ROBO2: variants seen among roughly 807,000 people sequenced by gnomAD.
ROBO2 encodes the protein roundabout homolog 2.
ROBO2 carries 53 observed loss-of-function variants against 160.8 expected under a neutral mutation model. The observed-to-expected ratio is 0.33, with a 90% confidence interval of 0.26 to 0.41. ROBO2 has a LOEUF of 0.41. ROBO2 is among the 10% of genes least tolerant of loss of function. ROBO2 has a pLI of 1.00. For missense variants in ROBO2, 1,577 were observed against 1,722.4 expected (o/e 0.92, Z 1.49); for synonymous variants, 664 against 611.7 (o/e 1.09, Z -1.26).
At chr3:76,693,438 C>A (rs1490889664) in intron 2 of ROBO2, among the ~76,000 whole-genome samples, 1 of 136,794 alleles carries the variant, frequency 7.3e-6, no homozygotes, top group Non-Finnish European at 1.5e-5. Context: ...GATACACACT[C>A]TATATATGTG....
At chr3:75,946,702 T>C (rs930585567) in intron 2 of ROBO2, among the ~76,000 whole-genome samples, 2 of 152,070 alleles carry the variant, frequency 1.3e-5, no homozygotes, top group African/African-American at 4.8e-5. Flanking sequence ...AATTCTGTAA[T>C]TTAAAAAGAG....
intron 2 of ROBO2, among the ~76,000 whole-genome samples, chr3:76,740,893 T>C (rs9865967): frequency 0.63 from 95,348 of 151,810 alleles, 29,974 homozygotes; most frequent in Admixed American, 0.66. Flanking sequence ...ATAGTTATTC[T>C]GTTTTGGGTG....
rs114644385 is a variant in ROBO2, at chr3:77,275,790, C to T, written c.388+177450C>T. The stretch of plus-strand genomic sequence containing the variant: ...TTCTCCAGGACCACAGTTTGGTGTA[C>T]AATATGATACCAAATATATCCTAAA... On this transcript the variant is annotated intron_variant, in intron 2 of 25. Coordinates refer to ENST00000461745, the Ensembl canonical transcript of ROBO2. 6.2e-3 allele frequency among the ~76,000 whole-genome samples: 938 copies of T among 152,098 alleles called. 5 individuals are homozygous for T. The highest frequency in any genetic ancestry group is 0.022 in the African/African-American group (905 of 41,488).
intron 2 of ROBO2, among the ~76,000 whole-genome samples, chr3:76,048,067 G>A (rs2067509616): frequency 6.6e-6 from 1 of 152,026 alleles, no homozygotes; most frequent in Non-Finnish European, 1.5e-5. Context: ...TGTATTAGAG[G>A]CTTTTCATAT....
chr3:76,306,629 G>A (rs1190508858), intron 2 of ROBO2, among the ~76,000 whole-genome samples: 7 of 152,002 alleles, frequency 4.6e-5, no homozygotes, highest in Admixed American at 3.3e-4. Flanking sequence ...GAGCTTAAAC[G>A]CTGGAATAAT....
In ROBO2 at chr3:77,431,573, T is replaced by C. The variant is rs2078775884; in HGVS notation, c.389-45841T>C. 2.0e-5 allele frequency among the ~76,000 whole-genome samples: 3 copies of C among 152,182 alleles called. No individual in the cohort carries two copies. In the South Asian group the frequency reaches 6.2e-4, roughly 32 times the overall value. On this transcript the variant is annotated intron_variant, in intron 2 of 25. Transcript: ENST00000461745. ...ATTATGCCTGAAATGACATAGTCGC[T>C]GGACCCTGAGCCCTCCCAAAGCAGA... is the stretch of plus-strand genomic sequence containing the variant.
At chr3:76,190,355 C>G (rs1701950528) in intron 2 of ROBO2, among the ~76,000 whole-genome samples, 1 of 152,030 alleles carries the variant, frequency 6.6e-6, no homozygotes, top group South Asian at 2.1e-4. Flanking sequence ...CATTTGGAAA[C>G]TAATAAAATC....
intron 2 of ROBO2, among the ~76,000 whole-genome samples, chr3:76,335,316 G>T (rs2073809207): frequency 6.6e-6 from 1 of 150,588 alleles, no homozygotes; most frequent in Admixed American, 6.6e-5. Context: ...AAGTAGCTGG[G>T]ATTACAGGTG....
intron 1 of ROBO2, among the ~76,000 whole-genome samples, chr3:77,086,486 T>C (rs2069323957): frequency 6.6e-6 from 1 of 152,166 alleles, no homozygotes; most frequent in South Asian, 2.1e-4. Context: ...ACCAAAAATA[T>C]ACTTTATCAT....
intron 2 of ROBO2, among the ~76,000 whole-genome samples, chr3:76,012,931 G>A (rs901079937): frequency 4.7e-5 from 7 of 148,434 alleles, no homozygotes; most frequent in Non-Finnish European, 8.9e-5. Flanking sequence ...GGTGGCTTAC[G>A]CGTGTAATCC....
At chr3:77,365,617 T>C (rs2070745535) in intron 2 of ROBO2, among the ~76,000 whole-genome samples, 1 of 152,186 alleles carries the variant, frequency 6.6e-6, no homozygotes, top group Non-Finnish European at 1.5e-5. Context: ...ACTCACTTTG[T>C]GTACCACCAG....
At chr3:77,429,257 G>C (rs2078527548) in intron 2 of ROBO2, among the ~76,000 whole-genome samples, 1 of 152,076 alleles carries the variant, frequency 6.6e-6, no homozygotes, top group Admixed American at 6.6e-5. Context: ...TACTGATCCT[G>C]GTAATAGGCC....
chr3:76,608,930 C>T (rs1055299668), intron 2 of ROBO2, among the ~76,000 whole-genome samples: 2 of 152,148 alleles, frequency 1.3e-5, no homozygotes, highest in Non-Finnish European at 2.9e-5. Flanking sequence ...TCCTCCCAAC[C>T]TTTCCCCGAG....
intron 2 of ROBO2, among the ~76,000 whole-genome samples, chr3:76,404,003 A>G (rs900044267): frequency 2.0e-4 from 30 of 151,662 alleles, no homozygotes; most frequent in African/African-American, 7.0e-4. Flanking sequence ...TGCTAGCTAT[A>G]TTATAACCAT....
intron 2 of ROBO2, among the ~76,000 whole-genome samples, chr3:76,690,939 G>GC (rs1253546905): frequency 1.3e-5 from 2 of 152,068 alleles, no homozygotes; most frequent in African/African-American, 2.4e-5. Flanking sequence ...GTCCTCTGGA[G>GC]CCTGGCATGC....
intron 2 of ROBO2, among the ~76,000 whole-genome samples, chr3:76,075,523 G>A (rs1235535683): frequency 4.1e-5 from 6 of 145,216 alleles, no homozygotes; most frequent in African/African-American, 1.6e-4. Flanking sequence ...GTGTCAAAAA[G>A]CATAGATGTG....
chr3:77,092,173 TG>T (rs1241981491), intron 1 of ROBO2: 3 of 151,912 alleles, frequency 2.0e-5, no homozygotes, highest in African/African-American at 7.2e-5. Context: ...AAATCCCAGA[TG>T]ATTCTGATGC....
chr3:77,640,706 C>A (rs2095339086), intron 24 of ROBO2, among the ~76,000 whole-genome samples: 1 of 152,136 alleles, frequency 6.6e-6, no homozygotes, highest in Admixed American at 6.5e-5. Context: ...GGAAATGAAT[C>A]AACATAGAAA....
chr3:76,901,813 T>C (rs2075258881), intron 2 of ROBO2, among the ~76,000 whole-genome samples: 1 of 151,976 alleles, frequency 6.6e-6, no homozygotes, highest in Non-Finnish European at 1.5e-5. Context: ...TATGCACACA[T>C]TTGATCAAAG....
Sources: allele counts gnomAD v4.1 joint callset (sites outside exome capture counted in the v4.1 genomes callset), GRCh38; gene constraint gnomAD v4.1.1; transcripts MANE v1.5; gene names NCBI Gene and HGNC (gene_info 2026-07-23, HGNC 2026-07-21).